DBNDD1: variants seen among roughly 807,000 people sequenced by gnomAD.
The protein encoded by DBNDD1 is dysbindin domain containing 1, also known as dysbindin domain-containing protein 1.
A neutral mutation model predicts 17.0 loss-of-function variants in DBNDD1; 14 were observed. The ratio of observed to expected loss-of-function variants is 0.82; its 90% CI spans 0.54 to 1.29. DBNDD1 has a LOEUF of 1.29. Ranked by LOEUF, DBNDD1 falls within the 50% of genes most tolerant of loss-of-function variation. The pLI, the probability that DBNDD1 is intolerant of heterozygous loss-of-function variation, is 0.00. For missense variants in DBNDD1, 221 were observed against 216.2 expected, an observed-to-expected ratio of 1.02 and a Z score of -0.14; for synonymous variants, 105 against 102.0, an observed-to-expected ratio of 1.03 and a Z score of -0.18.
At chr16:90,011,536 G>C (rs534530399) in intron 1 of DBNDD1, 9 of 395,744 alleles carry the variant, frequency 2.3e-5, no homozygotes, top group African/African-American at 1.6e-4. Flanking sequence ...GCCTGACAGT[G>C]TCCCCTCGCC....
At chr16:90,006,611 G>T in intron 3 of DBNDD1, 119 bp from the exon 4 acceptor site, 2 of 1,305,420 alleles carry the variant, frequency 1.5e-6, no homozygotes, top group Non-Finnish European at 2.1e-6. Flanking sequence ...CCAGCCCCCT[G>T]CACCAGGCAT....
upstream of DBNDD1, chr16:90,019,815 T>G: frequency 1.5e-6 from 1 of 685,956 alleles, no homozygotes; most frequent in Non-Finnish European, 2.6e-6. This position sits in a 1 kb window ranked among gnomAD's most constrained non-coding sequence, Gnocchi z 6.1. Flanking sequence ...CCCTCGGGGC[T>G]GGCGAGGGGC....
chr16:90,006,419 G>A lies in DBNDD1; in HGVS notation c.393C>T (p.His131=), dbSNP rs536339172. 27 of 1,604,466 alleles carry A rather than the reference G, an allele frequency of 1.7e-5. No individual in the cohort carries two copies. Among genetic ancestry groups the A allele is most frequent in the African/African-American group, 2.7e-5 (2 of 75,024 alleles). The change falls in exon 4 of 4, where the codon CAC becomes CAT. Residue 131 remains histidine, a synonymous_variant. Coordinates refer to ENST00000002501, the MANE Select transcript of DBNDD1 (RefSeq NM_001042610.3). The part of the protein sequence containing the change: ...SWTRTRAEQS[H]EKQPLGDPER... ...CGGGGTCGCCTAGGGGCTGCTTCTC[G>A]TGGCTCTGCTCAGCCCTTGTCCTCG... is the stretch of plus-strand genomic sequence containing the variant.
At chr16:90,010,792 C>T (rs554985618) in intron 1 of DBNDD1, among the ~76,000 whole-genome samples, 9 of 152,330 alleles carry the variant, frequency 5.9e-5, no homozygotes, top group East Asian at 1.9e-4. Flanking sequence ...AGGGCCACGC[C>T]GTCCTAGCGG....
chr16:90,012,682 C>G (rs564504455), intron 1 of DBNDD1, among the ~76,000 whole-genome samples: 2 of 152,216 alleles, frequency 1.3e-5, no homozygotes, highest in Admixed American at 6.5e-5. Flanking sequence ...TGGTCTCAAA[C>G]TCCTGACCTC....
chr16:90,009,549 A>T, intron 1 of DBNDD1, 119 bp from the exon 2 acceptor site: 1 of 1,465,542 alleles, frequency 6.8e-7, no homozygotes, highest in Non-Finnish European at 9.3e-7. Flanking sequence ...GGCAGTGACC[A>T]GCAGGTGATG....
rs927216853 is a variant in DBNDD1 at position 90,006,126 on chromosome 16, C to T, written c.*209G>A. On this transcript the variant is annotated 3_prime_UTR_variant, in exon 4 of 4. Transcript: ENST00000002501. ...GGGCCCCGTGTGTCCCCCAGGAAAG[C>T]CGGCTGGTCTCCAAGTGAGGCGAAG... 1.4e-6 allele frequency: 1 copy of T among 707,530 alleles called. No homozygotes were observed. Among genetic ancestry groups the T allele is most frequent in the Non-Finnish European group, 2.2e-6 (1 of 454,498 alleles). The allele number at this position is 707,530 out of a possible 1,614,324, so 43.8% of individuals were successfully genotyped here.
In DBNDD1 at chr16:90,008,809, C is replaced by T. The variant is rs748293497; in HGVS notation, c.294G>A (p.Glu98=). The change falls in exon 3 of 4, where the codon GAG becomes GAA. Residue 98 remains glutamate, a synonymous_variant. Coordinates refer to ENST00000002501, the MANE Select transcript of DBNDD1 (RefSeq NM_001042610.3). The part of the protein sequence containing the change: ...LAEVFADSDD[E]NLNTESPAGL... ...CTGCTGGGGACTCGGTGTTGAGGTT[C>T]TCGTCGTCCGAGTCAGCAAAGACCT... The T allele has an allele frequency of 3.7e-6, 6 of 1,603,138 alleles. No individual in the cohort carries two copies. The highest frequency in any genetic ancestry group is 1.1e-5 in the South Asian group (1 of 90,512).
At chr16:90,007,589 G>A (rs1429451560) in intron 3 of DBNDD1, 1 of 152,290 alleles carries the variant, frequency 6.6e-6, no homozygotes, top group East Asian at 1.9e-4. Flanking sequence ...CAGGCCAATG[G>A]CAACGCTCCC....
At position 90,006,295 on chromosome 16, in the gene DBNDD1, G is replaced by T. The variant is rs377553515; in HGVS notation, c.*40C>A. 1 of 1,574,376 alleles carries T rather than the reference G, an allele frequency of 6.4e-7. No individual in the cohort carries two copies. The highest frequency in any genetic ancestry group is 1.1e-5 in the South Asian group (1 of 87,128). On this transcript the variant is annotated 3_prime_UTR_variant, in exon 4 of 4. Transcript: ENST00000002501. ...ACTGCCCAGATCTGCCATCGTGTTC[G>T]GACCCCATCCCTGCAGGAGCTGGGG...
Position 90,008,844 on chromosome 16 carries a change from C to A in DBNDD1, c.259G>T (p.Glu87Ter), listed in dbSNP as rs1168580181. The change falls in exon 3 of 4, where the codon GAG (glutamate) becomes TAG (stop). Residue 87 changes from glutamate (E) to a stop codon, truncating the protein, a stop_gained. Transcript: ENST00000002501. LOFTEE classifies it high-confidence loss of function. ...GAGTCAGCAAAGACCTCGGCCAGCT[C>A]CTGGTCCGACATGTCGGTGAGCTCA... Reference protein sequence around the residue: ...LTELTDMSDQELAEVFADSDD... With the variant: ...LTELTDMSDQ 3 of 1,604,702 alleles carry A rather than the reference C, an allele frequency of 1.9e-6. No individual in the cohort carries two copies. Among genetic ancestry groups the A allele is most frequent in the Admixed American group, 1.7e-5 (1 of 59,634 alleles).
chr16:90,019,177 C>T lies in DBNDD1; in HGVS notation c.31+134G>A, dbSNP rs1362313452. The T allele has an allele frequency of 7.7e-6, 3 of 387,154 alleles. No individual in the cohort carries two copies. The highest frequency in any genetic ancestry group is 4.3e-5 in the East Asian group (1 of 23,456). 24.0% of individuals were successfully genotyped at this position (387,154 alleles called of 1,614,324 possible). On this transcript the variant is annotated intron_variant, in intron 1 of 3. Coordinates refer to ENST00000002501, the MANE Select transcript of DBNDD1 (RefSeq NM_001042610.3). The surrounding 1 kb of genome is among the most constrained non-coding windows in gnomAD (Gnocchi z 6.1). ...GCGCCCGGGAGGTGCCCCTGGCCCG[C>T]CGGACGACCCCGAGCTGCCAAAGGG... is the stretch of plus-strand genomic sequence containing the variant.
intron 2 of DBNDD1, 71 bp downstream of exon 2, chr16:90,009,213 C>G: frequency 6.3e-7 from 1 of 1,589,078 alleles, no homozygotes; most frequent in Admixed American, 1.8e-5. Context: ...GGAGGTGGAC[C>G]CTGCTGCCTT....
rs917887650 is a variant in DBNDD1 at position 90,006,141 on chromosome 16, G to T, written c.*194C>A. The T allele has an allele frequency of 1.2e-5, 10 of 806,548 alleles. No individual in the cohort carries two copies. In the Admixed American group the frequency reaches 2.4e-4, roughly 19 times the overall value. The allele number at this position is 806,548 out of a possible 1,614,324, so 50.0% of individuals were successfully genotyped here. Reference sequence around the variant, plus strand: ...CCCAGGAAAGCCGGCTGGTCTCCAAGTGAGGCGAAGACCCGTGCCCAGCAG... The same window carrying T: ...CCCAGGAAAGCCGGCTGGTCTCCAATTGAGGCGAAGACCCGTGCCCAGCAG... On this transcript the variant is annotated 3_prime_UTR_variant, in exon 4 of 4. Transcript: ENST00000002501.
intron 3 of DBNDD1, among the ~76,000 whole-genome samples, chr16:90,008,214 C>A (rs1567832449): frequency 0.018 from 130 of 7,242 alleles, 5 homozygotes; most frequent in Non-Finnish European, 0.033. Flanking sequence ...GGCCTCACCC[C>A]CCAAACACAC....
At chr16:90,007,791 T>A (rs1023112385) in intron 3 of DBNDD1, 2 of 152,816 alleles carry the variant, frequency 1.3e-5, no homozygotes, top group African/African-American at 4.8e-5. Flanking sequence ...GGGAAGTTGC[T>A]TCAAGTTGGG....
intron 1 of DBNDD1, among the ~76,000 whole-genome samples, chr16:90,015,658 GGAGT>G (rs1462431701): frequency 6.6e-5 from 10 of 152,314 alleles, no homozygotes; most frequent in Admixed American, 3.9e-4. Flanking sequence ...TGCCTACCAT[GGAGT>G]GAGATTCAAC....
chr16:90,009,323 C>T lies in DBNDD1; in HGVS notation c.139G>A (p.Val47Ile), dbSNP rs561043023. The change falls in exon 2 of 4, where the codon GTA becomes ATA. Residue 47 changes from valine to isoleucine, a missense_variant. Transcript: ENST00000002501. The stretch of plus-strand genomic sequence containing the variant: ...ACCTGCAGGAGCCCCGGTGCTGGTA[C>T]TGGGATGCCCCCGACCTCCTCCTCC... ...PVEEEVGGIP[V>I]PAPGLLQVTE... 60 of 1,613,582 alleles carry T rather than the reference C, an allele frequency of 3.7e-5. No homozygotes were observed. The highest frequency in any genetic ancestry group is 4.8e-5 in the Non-Finnish European group (57 of 1,179,998).
chr16:90,009,005 G>A (rs989701672), intron 2 of DBNDD1, 81 bp from the exon 3 acceptor site: 14 of 1,437,722 alleles, frequency 9.7e-6, no homozygotes, highest in South Asian at 2.8e-5. Flanking sequence ...GAGAGAGTGT[G>A]CTGTGTCCTC....
Sources: gnomAD v4.1 joint callset for allele counts (sites outside exome capture counted in the v4.1 genomes callset) on GRCh38, gnomAD v4.1.1 for gene constraint, Gnocchi (gnomAD v3.1) non-coding constraint, MANE v1.5 for transcripts, NCBI Gene and HGNC (gene_info 2026-07-23, HGNC 2026-07-21) for gene names.